Variants in SPAG16 observed in about 807,000 individuals in gnomAD.
SPAG16 encodes the protein sperm-associated antigen 16 protein.
Under a neutral mutation model 80.4 loss-of-function variants are expected in SPAG16, and 86 were observed. The observed-to-expected ratio is 1.07, with a 90% CI of 0.90 to 1.28. The LOEUF is 1.28. Among genes scored for constraint, SPAG16 ranks in the 50% most tolerant of loss-of-function variants. The probability of loss-of-function intolerance (pLI) is 0.00; values close to 1 mark genes in which losing one functional copy is unlikely to be tolerated. For synonymous variants in SPAG16, 294 were observed against 265.9 expected, an observed-to-expected ratio of 1.11 and a Z score of -1.03; for missense variants, 870 against 765.3, an observed-to-expected ratio of 1.14 and a Z score of -1.61.
Position 213,779,184 on chromosome 2 carries a change from T to A in SPAG16, c.1071-83301T>A, listed in dbSNP as rs7609177. Reference sequence around the variant, plus strand: ...GCTACTCCATAAGTTTTCTTTGTTTTTAGTTATACCTCCAACTTCTTTTTT... The same window carrying A: ...GCTACTCCATAAGTTTTCTTTGTTTATAGTTATACCTCCAACTTCTTTTTT... On this transcript the variant is annotated intron_variant, in intron 10 of 15. Transcript: ENST00000331683. Among the ~76,000 whole-genome samples, 877 of 152,322 alleles carry A rather than the reference T, an allele frequency of 5.8e-3. 9 individuals are homozygous for A. Among genetic ancestry groups the A allele is most frequent in the African/African-American group, 0.02 (817 of 41,570 alleles).
At chr2:214,006,612 T>G (rs2047037114) in intron 12 of SPAG16, among the ~76,000 whole-genome samples, 1 of 152,238 alleles carries the variant, frequency 6.6e-6, no homozygotes, top group Non-Finnish European at 1.5e-5. Context: ...AACAGAAAAT[T>G]GCATGAGACT....
intron 12 of SPAG16, among the ~76,000 whole-genome samples, chr2:213,936,319 T>C (rs1252653096): frequency 2.0e-5 from 3 of 152,228 alleles, no homozygotes; most frequent in African/African-American, 7.2e-5. Context: ...TTATAACCCC[T>C]GTCAATTACT....
rs561987288 is a variant in SPAG16 at position 214,186,917 on chromosome 2, G to A, written c.1720+37651G>A. Among the ~76,000 whole-genome samples, 151 of 152,156 alleles carry A rather than the reference G, an allele frequency of 9.9e-4. 2 individuals are homozygous for A. Among genetic ancestry groups the A allele is most frequent in the African/African-American group, 3.4e-3 (140 of 41,530 alleles). On this transcript the variant is annotated intron_variant, in intron 15 of 15. Transcript: ENST00000331683. The stretch of plus-strand genomic sequence containing the variant: ...TGGGACTACAGGCCTGTGCCACCAT[G>A]CGAGGCTAATTTCTGTATTTTGTTT...
At chr2:213,663,299 T>C (rs2063489582) in intron 10 of SPAG16, among the ~76,000 whole-genome samples, 1 of 152,082 alleles carries the variant, frequency 6.6e-6, no homozygotes, top group African/African-American at 2.4e-5. Context: ...TTTTTATGCA[T>C]AGACTCAAGT....
At chr2:214,112,328 T>C (rs1404442153) in intron 14 of SPAG16, among the ~76,000 whole-genome samples, 1 of 152,114 alleles carries the variant, frequency 6.6e-6, no homozygotes, top group Non-Finnish European at 1.5e-5. Context: ...CTATTAGGTC[T>C]GCTTGGTGCA....
intron 12 of SPAG16, among the ~76,000 whole-genome samples, chr2:213,995,231 C>A (rs2046461442): frequency 6.6e-6 from 1 of 152,102 alleles, no homozygotes; most frequent in Non-Finnish European, 1.5e-5. Flanking sequence ...CTGTTAGGGG[C>A]TTAGTGAGTA....
chr2:213,287,011 A>G (rs972701553), intron 1 of SPAG16, among the ~76,000 whole-genome samples: 2 of 152,156 alleles, frequency 1.3e-5, no homozygotes, highest in East Asian at 1.9e-4. Context: ...AGTGCCACCT[A>G]TTTCTCTTCT....
chr2:214,078,492 G>A (rs1483422403), intron 13 of SPAG16, among the ~76,000 whole-genome samples: 1 of 140,776 alleles, frequency 7.1e-6, no homozygotes, highest in Non-Finnish European at 1.5e-5. Flanking sequence ...GGAGGTCGAC[G>A]CTGAAGTGAG....
At chr2:213,309,605 G>A (rs2063098666) in intron 3 of SPAG16, among the ~76,000 whole-genome samples, 1 of 151,996 alleles carries the variant, frequency 6.6e-6, no homozygotes, top group Admixed American at 6.6e-5. Context: ...CTTTGCACTT[G>A]CTGATGCAGA....
At chr2:214,348,316 G>C (rs1274546395) in intron 15 of SPAG16, among the ~76,000 whole-genome samples, 1 of 152,158 alleles carries the variant, frequency 6.6e-6, no homozygotes, top group African/African-American at 2.4e-5. Context: ...TTTTCACATG[G>C]AAGAAATGAA....
At chr2:213,674,686 C>T (rs1401528222) in intron 10 of SPAG16, among the ~76,000 whole-genome samples, 1 of 150,058 alleles carries the variant, frequency 6.7e-6, no homozygotes, top group Admixed American at 6.6e-5. Flanking sequence ...TTTCCAATTT[C>T]ATCCATGTCC....
At chr2:214,095,531 G>T (rs1485185491) in intron 13 of SPAG16, among the ~76,000 whole-genome samples, 1 of 152,036 alleles carries the variant, frequency 6.6e-6, no homozygotes, top group Non-Finnish European at 1.5e-5. Flanking sequence ...GGAAATATTT[G>T]TTGAGCGAAG....
At chr2:214,315,162 G>A (rs1695589296) in intron 15 of SPAG16, among the ~76,000 whole-genome samples, 2 of 152,102 alleles carry the variant, frequency 1.3e-5, no homozygotes, top group Admixed American at 1.3e-4. Flanking sequence ...TAGGGGTGGA[G>A]CAGTCAGGGA....
At chr2:214,159,910 A>G (rs908856324) in intron 15 of SPAG16, among the ~76,000 whole-genome samples, 3 of 152,030 alleles carry the variant, frequency 2.0e-5, no homozygotes, top group Non-Finnish European at 2.9e-5. Flanking sequence ...CCTCTCTTAT[A>G]TATCTGTTGG....
At chr2:213,777,090 A>G (rs1308821579) in intron 10 of SPAG16, among the ~76,000 whole-genome samples, 1 of 151,834 alleles carries the variant, frequency 6.6e-6, no homozygotes, top group Admixed American at 6.6e-5. Flanking sequence ...ACATTATACT[A>G]TTTTTCCCTT....
At chr2:213,843,900 C>A (rs958740580) in intron 10 of SPAG16, among the ~76,000 whole-genome samples, 4 of 151,916 alleles carry the variant, frequency 2.6e-5, no homozygotes, top group African/African-American at 9.7e-5. Context: ...CAAGAGCTCA[C>A]TATGACCTAA....
intron 15 of SPAG16, among the ~76,000 whole-genome samples, chr2:214,402,302 C>G (rs1701754616): frequency 6.6e-6 from 1 of 151,970 alleles, no homozygotes; most frequent in South Asian, 2.1e-4. Flanking sequence ...TAACAAGTTT[C>G]ATGCCTCTCA....
At chr2:213,760,768 A>G (rs2068613758) in intron 10 of SPAG16, among the ~76,000 whole-genome samples, 1 of 152,206 alleles carries the variant, frequency 6.6e-6, no homozygotes, top group South Asian at 2.1e-4. Flanking sequence ...TGGATAATTT[A>G]TATAAAAATG....
At chr2:214,252,898 T>C (rs900909726) in intron 15 of SPAG16, among the ~76,000 whole-genome samples, 13 of 152,092 alleles carry the variant, frequency 8.5e-5, no homozygotes, top group African/African-American at 3.1e-4. Flanking sequence ...GTTGAACGAG[T>C]TTACAGTCCC....
Sources: gnomAD v4.1 joint callset for allele counts (sites outside exome capture counted in the v4.1 genomes callset) on GRCh38, gnomAD v4.1.1 for gene constraint, MANE v1.5 for transcripts, NCBI Gene and HGNC (gene_info 2026-07-23, HGNC 2026-07-21) for gene names.